The following CEP19 variants were observed in gnomAD, a reference collection of about 807,000 sequenced individuals.
CEP19 encodes centrosomal protein 19.
A neutral mutation model predicts 17.5 loss-of-function variants in CEP19; 14 were observed. The ratio of observed to expected loss-of-function variants is 0.80; its 90% CI spans 0.53 to 1.25. The LOEUF (loss-of-function observed/expected upper bound fraction) is 1.25, where lower values mean the gene tolerates loss of function less well. Ranked by LOEUF, CEP19 falls within the 50% of genes most tolerant of loss-of-function variation. The pLI, the probability that CEP19 is intolerant of heterozygous loss-of-function variation, is 0.00. For synonymous variants in CEP19, 59 were observed against 65.5 expected, an observed-to-expected ratio of 0.90 and a Z score of 0.48; for missense variants, 193 against 192.0, an observed-to-expected ratio of 1.01 and a Z score of -0.03.
rs1711561160 is a variant in CEP19, at chr3:196,707,414, G to A, written c.*137C>T. 2 of 917,324 alleles carry A rather than the reference G, an allele frequency of 2.2e-6. No homozygotes were observed. Among genetic ancestry groups the A allele is most frequent in the African/African-American group, 3.3e-5 (2 of 60,666 alleles). The allele number at this position is 917,324 out of a possible 1,614,324, so 56.8% of individuals were successfully genotyped here. ...CACCTACATAGTAGATGCTTTAAAT[G>A]TCCTGGTTTTGAAAAGTAACATGGT... On this transcript the variant is annotated 3_prime_UTR_variant, in exon 3 of 3. Coordinates refer to ENST00000409690, the MANE Select transcript of CEP19 (RefSeq NM_032898.5).
rs1711834204 is a variant in CEP19, at chr3:196,712,213, C to A, written c.-355G>T. 1 of 540,030 alleles carries A rather than the reference C, an allele frequency of 1.9e-6. No individual in the cohort carries two copies. The highest frequency in any genetic ancestry group is 3.1e-5 in the East Asian group (1 of 32,558). 33.5% of individuals were successfully genotyped at this position (540,030 alleles called of 1,614,324 possible). A position where few individuals can be genotyped will look rare whatever the true frequency, so the allele number is the denominator to read the frequency against. On this transcript the variant is annotated 5_prime_UTR_variant, in exon 1 of 3. Coordinates refer to ENST00000409690, the MANE Select transcript of CEP19 (RefSeq NM_032898.5). ...ACCTCGGCGTACAGGGATTCCAGGT[C>A]CCGGCGAGCGCTGGCCTAGCGGTTT... is the stretch of plus-strand genomic sequence containing the variant.
chr3:196,708,247 A>G (rs1416587873), intron 2 of CEP19, among the ~76,000 whole-genome samples: 2 of 152,240 alleles, frequency 1.3e-5, no homozygotes, highest in Non-Finnish European at 2.9e-5. Context: ...TGGTATTAAT[A>G]AAATATTAAG....
In CEP19 at chr3:196,708,713, C is replaced by T. The variant is rs375622501; in HGVS notation, c.-56G>A. 1 of 1,572,460 alleles carries T rather than the reference C, an allele frequency of 6.4e-7. No homozygotes were observed. Among genetic ancestry groups the T allele is most frequent in the Non-Finnish European group, 8.7e-7 (1 of 1,149,436 alleles). The stretch of plus-strand genomic sequence containing the variant: ...AAATCTGATGAATATGTGTAAGTTG[C>T]ATAATGACTTCCTGCTAAAGGGAAA... On this transcript the variant is annotated 5_prime_UTR_variant, in exon 2 of 3. The change abolishes an upstream ATG in the 5' untranslated region. Transcript: ENST00000409690.
chr3:196,710,032 T>G (rs933543050), intron 1 of CEP19, among the ~76,000 whole-genome samples: 1 of 152,192 alleles, frequency 6.6e-6, no homozygotes, highest in South Asian at 2.1e-4. Context: ...TGTCCAGTCT[T>G]TTTTCTAGGC....
chr3:196,712,167 G>C lies in CEP19; in HGVS notation c.-309C>G, dbSNP rs1307274411. The C allele has an allele frequency of 5.2e-6, 3 of 575,400 alleles. No individual in the cohort carries two copies. The African/African-American group carries it at 5.6e-5, about 11-fold the overall frequency. The allele number at this position is 575,400 out of a possible 1,614,324, so 35.6% of individuals were successfully genotyped here. On this transcript the variant is annotated 5_prime_UTR_variant, in exon 1 of 3. Coordinates refer to ENST00000409690, the MANE Select transcript of CEP19 (RefSeq NM_032898.5). Reference sequence around the variant, plus strand: ...GGAAGCGGAGGTGGGGGCCGGCTGGGGGACCGGTCCACCGGCTCCCACCTC... The same window carrying C: ...GGAAGCGGAGGTGGGGGCCGGCTGGCGGACCGGTCCACCGGCTCCCACCTC...
intron 1 of CEP19, among the ~76,000 whole-genome samples, chr3:196,711,718 C>T (rs147894464): frequency 7.9e-5 from 12 of 152,276 alleles, no homozygotes; most frequent in African/African-American, 2.9e-4. Flanking sequence ...GCTCTCTTGG[C>T]CTGCTTACAG....
rs763060905 is a variant in CEP19 at position 196,707,654 on chromosome 3, T to C, written c.389A>G (p.Lys130Arg). 2.5e-6 allele frequency: 4 copies of C among 1,614,154 alleles called. No homozygotes were observed. The highest frequency in any genetic ancestry group is 2.2e-5 in the South Asian group (2 of 91,084). ...ATAAACAAAATTTGGATCATCCTTCTTCTTCTGATTTTTCTCAAAAAGTTC... is the reference window on the plus strand; with the variant it reads ...ATAAACAAAATTTGGATCATCCTTCCTCTTCTGATTTTTCTCAAAAAGTTC... ...MDELFEKNQK[K>R]KDDPNFVYDI... The change falls in exon 3 of 3, where the codon AAG (lysine) becomes AGG (arginine). Residue 130 changes from lysine (K) to arginine (R), a missense_variant. Physicochemically the swap from Lys to Arg is conservative, Grantham distance 26. Transcript: ENST00000409690.
At position 196,707,860 on chromosome 3, in the gene CEP19, G is replaced by C. The variant is rs1711584400; in HGVS notation, c.183C>G (p.Tyr61Ter). 6.2e-7 allele frequency: 1 copy of C among 1,613,666 alleles called. No homozygotes were observed. The change falls in exon 3 of 3, where the codon TAC becomes TAG. Residue 61 changes from tyrosine to a stop codon, truncating the protein, a stop_gained. Coordinates refer to ENST00000409690, the MANE Select transcript of CEP19 (RefSeq NM_032898.5). LOFTEE classifies it high-confidence loss of function. ...GCTGCCTCAGGGATACTTGTTCTAG[G>C]TAACTCTTGTGTCGCGGATTATTCT... Reference protein sequence around the residue: ...QLKNNPRHKSYLEQVSLRQLE... With the variant: ...QLKNNPRHKS
intron 1 of CEP19, among the ~76,000 whole-genome samples, chr3:196,711,306 A>T (rs1462171732): frequency 6.6e-6 from 1 of 151,212 alleles, no homozygotes; most frequent in African/African-American, 2.4e-5. Context: ...CTTAAGAAAC[A>T]TGCTTATACT....
chr3:196,709,147 CCCCTAAGTCAG>C (rs1279423404), intron 1 of CEP19, among the ~76,000 whole-genome samples: 4 of 152,100 alleles, frequency 2.6e-5, no homozygotes, highest in South Asian at 2.1e-4. Context: ...CGAATATGAA[CCCCTAAGTCAG>C]CCCAATAGCT....
intron 1 of CEP19, among the ~76,000 whole-genome samples, chr3:196,709,419 C>G (rs1232319687): frequency 6.6e-6 from 1 of 152,104 alleles, no homozygotes; most frequent in African/African-American, 2.4e-5. Flanking sequence ...CATTTTCCAC[C>G]ACAATATCTC....
Position 196,707,919 on chromosome 3 carries a change from G to A in CEP19, c.131-7C>T. 1 of 1,606,022 alleles carries A rather than the reference G, an allele frequency of 6.2e-7. No individual in the cohort carries two copies. The stretch of plus-strand genomic sequence containing the variant: ...TCAGCAGCTCTGGTGCAATCTGGGA[G>A]AGAGAAGAAAACTATATACCACATA... On this transcript the variant is annotated splice_region_variant and splice_polypyrimidine_tract_variant and intron_variant, in intron 2 of 2. Coordinates refer to ENST00000409690, the MANE Select transcript of CEP19 (RefSeq NM_032898.5).
chr3:196,709,813 G>A (rs138018005), intron 1 of CEP19, among the ~76,000 whole-genome samples: 1 of 152,336 alleles, frequency 6.6e-6, no homozygotes, highest in East Asian at 1.9e-4. Context: ...TGATGTGACT[G>A]TGACATTCCC....
rs756801863 is a variant in CEP19 at position 196,707,795 on chromosome 3, C to A, written c.248G>T (p.Gly83Val). The change falls in exon 3 of 3, where the codon GGG (glycine) becomes GTG (valine). Residue 83 changes from glycine (G) to valine (V), a missense_variant. Gly to Val is a moderately radical substitution (Grantham distance 109). Coordinates refer to ENST00000409690, the MANE Select transcript of CEP19 (RefSeq NM_032898.5). ...LFSFLRGYLS[G>V]QSLAETMEQI... ...TTCCATTGTTTCTGCCAGACTCTGC[C>A]CCGACAAGTAACCTCGTAAAAAACT... The A allele has an allele frequency of 6.2e-7, 1 of 1,614,132 alleles. No homozygotes were observed. The highest frequency in any genetic ancestry group is 2.2e-5 in the East Asian group (1 of 44,892).
intron 1 of CEP19, among the ~76,000 whole-genome samples, chr3:196,711,456 G>C (rs1008631750): frequency 6.6e-6 from 1 of 152,220 alleles, no homozygotes; most frequent in Admixed American, 6.5e-5. Flanking sequence ...CTCCCGAGTA[G>C]CTGGAATTAC....
In CEP19 at chr3:196,712,033, T is replaced by A; in HGVS notation, c.-175A>T. ...GTGCACGCAAAGCCCCTAAGCCGAC[T>A]GTGAGACCGGGCGGAGCCTGGCGCT... On this transcript the variant is annotated 5_prime_UTR_variant, in exon 1 of 3. Coordinates refer to ENST00000409690, the MANE Select transcript of CEP19 (RefSeq NM_032898.5). The A allele has an allele frequency of 1.4e-6, 1 of 715,594 alleles. No individual in the cohort carries two copies. 44.3% of individuals were successfully genotyped at this position (715,594 alleles called of 1,614,324 possible).
chr3:196,709,986 G>A (rs1330476901), intron 1 of CEP19, among the ~76,000 whole-genome samples: 4 of 152,196 alleles, frequency 2.6e-5, no homozygotes, highest in African/African-American at 9.7e-5. Context: ...GGGCAAAGGA[G>A]AGGGGAAACC....
chr3:196,708,479 T>G (rs749064929), intron 2 of CEP19, 49 bp downstream of exon 2: 4 of 1,571,162 alleles, frequency 2.5e-6, no homozygotes, highest in Non-Finnish European at 3.5e-6. Context: ...GATGTGAACC[T>G]GTATTTAGAG....
chr3:196,707,960 A>G (rs1440313946), intron 2 of CEP19, 48 bp from the exon 3 acceptor site: 1 of 1,553,194 alleles, frequency 6.4e-7, no homozygotes, highest in African/African-American at 1.4e-5. Flanking sequence ...CACGTACATC[A>G]TATACGCCAT....
Sources: allele counts gnomAD v4.1 joint callset (sites outside exome capture counted in the v4.1 genomes callset), GRCh38; gene constraint gnomAD v4.1.1; transcripts MANE v1.5; gene names NCBI Gene and HGNC (gene_info 2026-07-23, HGNC 2026-07-21).